The following ADK variants were observed in gnomAD, a reference collection of about 807,000 sequenced individuals.
ADK encodes adenosine kinase, also known as N6,N6-dimethyladenosine kinase.
In ADK, 24 loss-of-function variants were observed where a neutral mutation model predicts 44.7. The observed-to-expected ratio is 0.54, with a 90% confidence interval of 0.39 to 0.76. The LOEUF is 0.76. ADK is among the 30% of genes least tolerant of loss of function. ADK has a pLI of 0.00. For synonymous variants in ADK, 128 were observed against 142.6 expected (o/e 0.90, Z 0.73); for missense variants, 321 against 425.1 (o/e 0.76, Z 2.15).
At chr10:74,166,793 G>A (rs993222233) in intron 1 of ADK, among the ~76,000 whole-genome samples, 1 of 152,006 alleles carries the variant, frequency 6.6e-6, no homozygotes, top group African/African-American at 2.4e-5. Flanking sequence ...AGCTTTTTAA[G>A]CTTTCACTCA....
intron 2 of ADK, among the ~76,000 whole-genome samples, chr10:74,204,726 T>TA (rs1277356304): frequency 6.6e-6 from 1 of 152,132 alleles, no homozygotes; most frequent in Non-Finnish European, 1.5e-5. Context: ...ATACTATACT[T>TA]ACATTTCTTA....
At chr10:74,590,303 G>A (rs1851671980) in intron 8 of ADK, among the ~76,000 whole-genome samples, 1 of 152,176 alleles carries the variant, frequency 6.6e-6, no homozygotes. Context: ...CTATCAAACA[G>A]GGAAGAGGTG....
intron 9 of ADK, among the ~76,000 whole-genome samples, chr10:74,615,567 C>G (rs186312386): frequency 2.1e-4 from 32 of 152,300 alleles, no homozygotes; most frequent in African/African-American, 7.5e-4. Flanking sequence ...ATATTTGCTA[C>G]TATCCATCTT....
intron 4 of ADK, among the ~76,000 whole-genome samples, chr10:74,322,385 A>G (rs1051034878): frequency 1.8e-4 from 27 of 152,326 alleles, no homozygotes; most frequent in African/African-American, 5.8e-4. Flanking sequence ...AGAAAGTAGT[A>G]AGTATTAATT....
intron 3 of ADK, among the ~76,000 whole-genome samples, chr10:74,272,691 C>T (rs1385372653): frequency 3.9e-5 from 6 of 152,212 alleles, no homozygotes; most frequent in African/African-American, 1.4e-4. Context: ...AATTATAAGA[C>T]ATATGTGTTT....
rs370075926 is a variant in ADK at position 74,482,569 on chromosome 10, G to A, written c.556-42687G>A. 2.5e-4 allele frequency among the ~76,000 whole-genome samples: 38 copies of A among 152,192 alleles called. No homozygotes were observed. In the East Asian group the frequency reaches 4.4e-3, roughly 18 times the overall value. ...GTCCCCCAAGACTTAACTCATCTCAGCATTAACTCAAAAGTCCACAATCTG... is the reference window on the plus strand; with the variant it reads ...GTCCCCCAAGACTTAACTCATCTCAACATTAACTCAAAAGTCCACAATCTG... On this transcript the variant is annotated intron_variant, in intron 6 of 10. Transcript: ENST00000539909.
intron 3 of ADK, among the ~76,000 whole-genome samples, chr10:74,234,248 A>G (rs1193179198): frequency 6.6e-6 from 1 of 152,220 alleles, no homozygotes; most frequent in Non-Finnish European, 1.5e-5. Context: ...TGAACAATTA[A>G]ATAATACATG....
chr10:74,210,908 A>T (rs1415433635), intron 2 of ADK, among the ~76,000 whole-genome samples: 1 of 151,914 alleles, frequency 6.6e-6, no homozygotes, highest in East Asian at 1.9e-4. Flanking sequence ...TTTCTTTGAG[A>T]TGAAGTTTCA....
intron 9 of ADK, among the ~76,000 whole-genome samples, chr10:74,634,404 G>C (rs1853550485): frequency 6.6e-6 from 1 of 151,920 alleles, no homozygotes. Context: ...ATTTTTAGTG[G>C]AGACGGGGTT....
chr10:74,700,593 A>G (rs769984532), intron 10 of ADK, among the ~76,000 whole-genome samples: 3 of 152,018 alleles, frequency 2.0e-5, no homozygotes, highest in Non-Finnish European at 2.9e-5. Flanking sequence ...GAGAGCATAT[A>G]TAGTGTATTA....
chr10:74,416,206 A>G (rs544421938), intron 6 of ADK, among the ~76,000 whole-genome samples: 79 of 152,130 alleles, frequency 5.2e-4, no homozygotes, highest in African/African-American at 1.7e-3. Context: ...TGAGAGGACA[A>G]CGTTTTTCCT....
In ADK at chr10:74,703,972, T is replaced by G. The variant is rs552993093; in HGVS notation, c.965-4349T>G. Among the ~76,000 whole-genome samples the G allele has an allele frequency of 2.0e-5, 3 of 152,340 alleles. No homozygotes were observed. The South Asian group carries it at 6.2e-4, about 32-fold the overall frequency. On this transcript the variant is annotated intron_variant, in intron 10 of 10. Transcript: ENST00000539909. ...ACTATTTTTATTCCTGCAACTTTTT[T>G]CTGAATTTGGAATCCTTTTCAAATA...
intron 4 of ADK, among the ~76,000 whole-genome samples, chr10:74,349,799 A>G (rs867588690): frequency 6.6e-6 from 1 of 152,210 alleles, no homozygotes; most frequent in Non-Finnish European, 1.5e-5. Flanking sequence ...TTAAACTAAC[A>G]AAGATCAAAA....
intron 10 of ADK, among the ~76,000 whole-genome samples, chr10:74,682,390 T>C (rs549372154): frequency 1.9e-4 from 29 of 152,312 alleles, no homozygotes; most frequent in African/African-American, 6.7e-4. Flanking sequence ...TTCTTTCTTA[T>C]AGCTACAGTA....
intron 3 of ADK, among the ~76,000 whole-genome samples, chr10:74,295,009 T>A (rs1406084766): frequency 3.9e-5 from 6 of 151,958 alleles, no homozygotes; most frequent in African/African-American, 1.4e-4. Flanking sequence ...GCGTATGCCA[T>A]CATGCCTGGC....
chr10:74,250,351 T>G (rs1053474720), intron 3 of ADK, among the ~76,000 whole-genome samples: 2 of 152,138 alleles, frequency 1.3e-5, no homozygotes, highest in East Asian at 3.8e-4. Flanking sequence ...ATTCCCCAAA[T>G]AGAGGGTTCT....
At chr10:74,588,786 C>T (rs917589032) in intron 7 of ADK, among the ~76,000 whole-genome samples, 1 of 152,166 alleles carries the variant, frequency 6.6e-6, no homozygotes, top group Non-Finnish European at 1.5e-5. Flanking sequence ...TGGAAATACC[C>T]AGTTCCCTAT....
In ADK at chr10:74,234,674, A is replaced by G. The variant is rs147605692; in HGVS notation, c.194+10083A>G. Among the ~76,000 whole-genome samples, 520 of 152,282 alleles carry G rather than the reference A, an allele frequency of 3.4e-3. 1 individual carries two copies. The highest frequency in any genetic ancestry group is 0.012 in the African/African-American group (481 of 41,570). ...AAACTTTAGAGGATAAAGTGAGCTC[A>G]TATTGATGAATGGTAATCTGATATT... is the stretch of plus-strand genomic sequence containing the variant. On this transcript the variant is annotated intron_variant, in intron 3 of 10. Coordinates refer to ENST00000539909, the MANE Select transcript of ADK (RefSeq NM_006721.4).
chr10:74,640,190 C>A (rs893612296), intron 9 of ADK, among the ~76,000 whole-genome samples: 1 of 152,160 alleles, frequency 6.6e-6, no homozygotes, highest in African/African-American at 2.4e-5. Context: ...TGAGCTAGAT[C>A]GGTAGCAGCA....
Sources: gnomAD v4.1 joint callset for allele counts (sites outside exome capture counted in the v4.1 genomes callset) on GRCh38, gnomAD v4.1.1 for gene constraint, MANE v1.5 for transcripts, NCBI Gene and HGNC (gene_info 2026-07-23, HGNC 2026-07-21) for gene names.